KIAA1549: variants seen among roughly 807,000 people sequenced by gnomAD.
KIAA1549 encodes the protein UPF0606 protein KIAA1549.
A neutral mutation model predicts 156.4 loss-of-function variants in KIAA1549; 70 were observed. The observed-to-expected ratio is 0.45, with a 90% CI of 0.37 to 0.55. The LOEUF (loss-of-function observed/expected upper bound fraction) is 0.55, where lower values mean the gene tolerates loss of function less well. KIAA1549 is among the 20% of genes least tolerant of loss of function. The probability of loss-of-function intolerance (pLI) is 0.00; values close to 1 mark genes in which losing one functional copy is unlikely to be tolerated. For synonymous variants in KIAA1549, 1,103 were observed against 1,066.4 expected, an observed-to-expected ratio of 1.03 and a Z score of -0.67; for missense variants, 2,428 against 2,540.9, an observed-to-expected ratio of 0.96 and a Z score of 0.96.
At chr7:138,869,113 C>T in intron 14 of KIAA1549, among the ~76,000 whole-genome samples, 1 of 152,158 alleles carries the variant, frequency 6.6e-6, no homozygotes, top group East Asian at 1.9e-4. Context: ...TGGGTGCCAG[C>T]CTGGGTGGCT....
chr7:138,923,538 T>G (rs1812622854), intron 1 of KIAA1549, among the ~76,000 whole-genome samples: 1 of 151,650 alleles, frequency 6.6e-6, no homozygotes, highest in Admixed American at 6.6e-5. Flanking sequence ...AGGTGGAGAA[T>G]GCAGTGAGCT....
At chr7:138,888,333 A>T (rs546791557) in intron 10 of KIAA1549, among the ~76,000 whole-genome samples, 80 of 152,328 alleles carry the variant, frequency 5.3e-4, no homozygotes, top group African/African-American at 1.5e-3. Flanking sequence ...TTTCCCGCAC[A>T]ATTACTCAGA....
chr7:138,924,174 T>G (rs1248726205), intron 1 of KIAA1549, among the ~76,000 whole-genome samples: 4 of 150,668 alleles, frequency 2.7e-5, no homozygotes, highest in Non-Finnish European at 4.4e-5. Flanking sequence ...CAGCTGTTCT[T>G]TTCTTTTCTT....
rs1809592737 is a variant in KIAA1549, at chr7:138,833,254, A to G, written c.*4652T>C. 1 of 232,632 alleles carries G rather than the reference A, an allele frequency of 4.3e-6. No homozygotes were observed. 14.4% of individuals were successfully genotyped at this position (232,632 alleles called of 1,614,324 possible). On this transcript the variant is annotated 3_prime_UTR_variant, in exon 20 of 20. Transcript: ENST00000422774. ...CGTTACCCAGCTTTCCTTCCAAACGACAAATTCATTCATGTCTGAGAATCT... is the reference window on the plus strand; with the variant it reads ...CGTTACCCAGCTTTCCTTCCAAACGGCAAATTCATTCATGTCTGAGAATCT...
intron 1 of KIAA1549, among the ~76,000 whole-genome samples, chr7:138,971,151 G>A (rs942744203): frequency 1.3e-5 from 2 of 152,154 alleles, no homozygotes; most frequent in Non-Finnish European, 2.9e-5. Context: ...CCTGGACTGC[G>A]ACCAAGACTG....
chr7:138,838,123 G>A lies in KIAA1549; in HGVS notation c.5636C>T (p.Pro1879Leu), dbSNP rs770391646. The A allele has an allele frequency of 2.9e-5, 44 of 1,527,382 alleles. 1 individual carries two copies. In the East Asian group the frequency reaches 3.3e-4, roughly 12 times the overall value. 94.6% of individuals were successfully genotyped at this position (1,527,382 alleles called of 1,614,324 possible). A position where few individuals can be genotyped will look rare whatever the true frequency, so the allele number is the denominator to read the frequency against. The stretch of plus-strand genomic sequence containing the variant: ...TGAAGTCCTTGGCACCTGAAATAGC[G>A]GTGAAGAAGAATACTCTTGATGTCC... ...MLGHQEYSSS[P>L]LFQVPRTSGR... The change falls in exon 20 of 20, where the codon CCG becomes CTG. Residue 1879 changes from proline (P) to leucine (L), a missense_variant. This residue lies in a region of KIAA1549 where 363 missense variants were observed against 354.0 expected (regional missense o/e 1.03). Transcript: ENST00000422774.
chr7:138,922,737 G>C (rs1584759418), intron 1 of KIAA1549, among the ~76,000 whole-genome samples: 1 of 151,650 alleles, frequency 6.6e-6, no homozygotes, highest in African/African-American at 2.4e-5. Flanking sequence ...AAAGGGAACA[G>C]GGAAACAAAT....
rs80065790 is a variant in KIAA1549, at chr7:138,911,892, G to A, written c.2967+480C>T. On this transcript the variant is annotated intron_variant, in intron 3 of 19. Coordinates refer to ENST00000422774, the MANE Select transcript of KIAA1549 (RefSeq NM_001164665.2). ...ACTGCTGTATCGCCATGCGTGGGGCGCGGTTCTGGTTCCGGATGGCTCTGC... is the reference window on the plus strand; with the variant it reads ...ACTGCTGTATCGCCATGCGTGGGGCACGGTTCTGGTTCCGGATGGCTCTGC... 9.2e-3 allele frequency among the ~76,000 whole-genome samples: 1,403 copies of A among 152,268 alleles called. 26 individuals carry two copies. The highest frequency in any genetic ancestry group is 0.03 in the African/African-American group (1,248 of 41,536).
chr7:138,945,267 C>T (rs1389054330), intron 1 of KIAA1549, among the ~76,000 whole-genome samples: 5 of 152,354 alleles, frequency 3.3e-5, no homozygotes, highest in African/African-American at 1.2e-4. Flanking sequence ...TTGTAACACT[C>T]ACCCCAGGTG....
chr7:138,857,067 C>G (rs1810415171), intron 16 of KIAA1549, among the ~76,000 whole-genome samples: 1 of 152,138 alleles, frequency 6.6e-6, no homozygotes, highest in Non-Finnish European at 1.5e-5. Context: ...GACTGGAAAC[C>G]ATCGCTCAGG....
chr7:138,936,401 T>C (rs886737501), intron 1 of KIAA1549, among the ~76,000 whole-genome samples: 3 of 152,028 alleles, frequency 2.0e-5, no homozygotes, highest in African/African-American at 7.3e-5. Flanking sequence ...ACATCTTCCT[T>C]CCCACCGCCA....
At position 138,840,295 on chromosome 7, in the gene KIAA1549, G is replaced by A; in HGVS notation, c.5453-17C>T. 1.3e-6 allele frequency: 2 copies of A among 1,596,918 alleles called. No individual in the cohort carries two copies. The highest frequency in any genetic ancestry group is 1.1e-5 in the South Asian group (1 of 87,552). The stretch of plus-strand genomic sequence containing the variant: ...TCTGGGAGCCTGGAAGGAACATGGT[G>A]GAGTGGCCTGGTCAACATTTATAGG... On this transcript the variant is annotated splice_polypyrimidine_tract_variant and intron_variant, in intron 18 of 19. Coordinates refer to ENST00000422774, the MANE Select transcript of KIAA1549 (RefSeq NM_001164665.2).
chr7:138,929,854 C>T (rs1812822970), intron 1 of KIAA1549, among the ~76,000 whole-genome samples: 1 of 152,116 alleles, frequency 6.6e-6, no homozygotes, highest in South Asian at 2.1e-4. Flanking sequence ...CTATGCCCAG[C>T]TATTTATTTT....
intron 15 of KIAA1549, 140 bp downstream of exon 15, chr7:138,867,835 C>G (rs1203743684): frequency 4.4e-6 from 4 of 902,326 alleles, no homozygotes; most frequent in Non-Finnish European, 6.7e-6. Flanking sequence ...CTAGAGGGCC[C>G]TGGTGCATCA....
intron 1 of KIAA1549, among the ~76,000 whole-genome samples, chr7:138,955,839 A>G (rs1446016296): frequency 6.6e-6 from 1 of 152,168 alleles, no homozygotes; most frequent in East Asian, 1.9e-4. Flanking sequence ...AACTTTTTTT[A>G]TCCCAACAGA....
At chr7:138,936,439 C>A (rs575221642) in intron 1 of KIAA1549, among the ~76,000 whole-genome samples, 2 of 152,130 alleles carry the variant, frequency 1.3e-5, no homozygotes, top group Non-Finnish European at 2.9e-5. Context: ...TACAATGACC[C>A]GCTCAGAGCC....
chr7:138,901,331 T>C (rs547160776), intron 8 of KIAA1549, among the ~76,000 whole-genome samples: 10 of 150,946 alleles, frequency 6.6e-5, no homozygotes, highest in Non-Finnish European at 1.5e-5. Context: ...GTTTTATTTT[T>C]TTTTTTTTTT....
rs776459954 is a variant in KIAA1549, at chr7:138,909,065, T to C, written c.3202A>G (p.Ile1068Val). Residue 1068 changes from isoleucine to valine, a missense_variant, in exon 5 of 20, where the codon ATT (isoleucine) becomes GTT (valine). This residue lies in a region of KIAA1549 where 762 missense variants were observed against 901.6 expected (regional missense o/e 0.85). Coordinates refer to ENST00000422774, the MANE Select transcript of KIAA1549 (RefSeq NM_001164665.2). ...DTGFCNFTQR[I>V]EKGLMTALFE... ...AGAGCTGTCATTAGGCCTTTCTCAA[T>C]GCGCTGGGTGAAGTTGCAGAAGCCA... 6.2e-7 allele frequency: 1 copy of C among 1,613,962 alleles called. No individual in the cohort carries two copies. Among genetic ancestry groups the C allele is most frequent in the Admixed American group, 1.7e-5 (1 of 60,028 alleles).
intron 1 of KIAA1549, among the ~76,000 whole-genome samples, chr7:138,966,734 G>A (rs1214765595): frequency 6.6e-6 from 1 of 151,908 alleles, no homozygotes; most frequent in African/African-American, 2.4e-5. Flanking sequence ...ACCCTCACAG[G>A]CACACCCAGG....
Sources: allele counts gnomAD v4.1 joint callset (sites outside exome capture counted in the v4.1 genomes callset), GRCh38; gene constraint gnomAD v4.1.1; regional missense constraint gnomAD v4.1.1; transcripts MANE v1.5; gene names NCBI Gene and HGNC (gene_info 2026-07-23, HGNC 2026-07-21).